ARB2A: variants seen among roughly 807,000 people sequenced by gnomAD.
The protein encoded by ARB2A is ARB2 cotranscriptional regulator A, also known as cotranscriptional regulator ARB2A.
the ARB2A span, among the ~76,000 whole-genome samples, chr5:93,930,704 A>G: frequency 3.3e-5 from 5 of 152,194 alleles, no homozygotes; most frequent in Non-Finnish European, 7.3e-5. Context: ...CTTGTTTTAA[A>G]TATTTCTAAT....
chr5:93,796,018 TA>T, the ARB2A span, among the ~76,000 whole-genome samples: 2 of 152,142 alleles, frequency 1.3e-5, no homozygotes, highest in Non-Finnish European at 2.9e-5. Flanking sequence ...AAACTTCAAA[TA>T]AAGTATGCAA....
At chr5:93,923,903 T>C in the ARB2A span, among the ~76,000 whole-genome samples, 2 of 152,316 alleles carry the variant, frequency 1.3e-5, no homozygotes, top group Non-Finnish European at 1.5e-5. Context: ...ATATATAATA[T>C]GTATCCAAAA....
At chr5:93,890,946 C>T in the ARB2A span, among the ~76,000 whole-genome samples, 1 of 152,092 alleles carries the variant, frequency 6.6e-6, no homozygotes, top group Non-Finnish European at 1.5e-5. Flanking sequence ...TGCCTGACAA[C>T]GCTTACTGGA....
At chr5:94,045,286 T>C in the ARB2A span, among the ~76,000 whole-genome samples, 1 of 151,960 alleles carries the variant, frequency 6.6e-6, no homozygotes, top group Admixed American at 6.5e-5. Flanking sequence ...GGAGTAGCCA[T>C]TCTTTTCTTC....
At chr5:94,020,433 A>T in the ARB2A span, among the ~76,000 whole-genome samples, 1 of 152,120 alleles carries the variant, frequency 6.6e-6, no homozygotes, top group Admixed American at 6.5e-5. Context: ...ATAATAATAA[A>T]AAAACAATGG....
chr5:93,658,982 T>C, the ARB2A span, among the ~76,000 whole-genome samples: 4 of 151,746 alleles, frequency 2.6e-5, no homozygotes, highest in Non-Finnish European at 5.9e-5. Flanking sequence ...ATAACTAAGA[T>C]ACACGGCATA....
the ARB2A span, among the ~76,000 whole-genome samples, chr5:93,852,887 G>A: frequency 2.0e-5 from 3 of 152,150 alleles, no homozygotes; most frequent in African/African-American, 4.8e-5. Context: ...GTCAGGTAGC[G>A]TGATGCCTCC....
the ARB2A span, among the ~76,000 whole-genome samples, chr5:93,837,765 T>C: frequency 6.6e-6 from 1 of 152,188 alleles, no homozygotes; most frequent in African/African-American, 2.4e-5. Context: ...TGATTACTGA[T>C]GCTGTGCATT....
chr5:93,811,247 A>G, the ARB2A span, among the ~76,000 whole-genome samples: 2 of 152,134 alleles, frequency 1.3e-5, no homozygotes, highest in Non-Finnish European at 2.9e-5. Flanking sequence ...TACTTTCCAG[A>G]TCCTCATCAA....
the ARB2A span, chr5:93,743,486 G>A: frequency 2.1e-6 from 2 of 955,792 alleles, no homozygotes; most frequent in East Asian, 1.2e-4. Flanking sequence ...ATATACAGAA[G>A]TTCATTTAAG....
At chr5:94,024,251 T>G in the ARB2A span, among the ~76,000 whole-genome samples, 1 of 152,108 alleles carries the variant, frequency 6.6e-6, no homozygotes, top group African/African-American at 2.4e-5. Flanking sequence ...GTGAACCTCA[T>G]TTAATCAGTT....
the ARB2A span, among the ~76,000 whole-genome samples, chr5:93,954,970 T>C: frequency 6.6e-6 from 1 of 152,062 alleles, no homozygotes; most frequent in Non-Finnish European, 1.5e-5. Context: ...ACAGTCACTG[T>C]GCTCTCCCTC....
chr5:93,779,148 G>A, the ARB2A span, among the ~76,000 whole-genome samples: 9 of 149,566 alleles, frequency 6.0e-5, no homozygotes, highest in Non-Finnish European at 1.0e-4. Flanking sequence ...CACGTGCAGG[G>A]GCATGTGGCA....
At chr5:93,956,809 A>G in the ARB2A span, among the ~76,000 whole-genome samples, 1 of 152,282 alleles carries the variant, frequency 6.6e-6, no homozygotes, top group East Asian at 1.9e-4. Flanking sequence ...CCTTGAAGAA[A>G]ACACTATGAA....
chr5:93,740,174 T>C, the ARB2A span: 151 of 158,324 alleles, frequency 9.5e-4, 3 homozygotes, highest in Admixed American at 4.0e-3. Flanking sequence ...AGTAAAAAAT[T>C]GTATACTAAG....
chr5:93,621,270 C>A, the ARB2A span: 117 of 683,006 alleles, frequency 1.7e-4, no homozygotes, highest in Middle Eastern at 1.6e-3. Context: ...CCCGCCTCAG[C>A]CGCCCGCGCC....
At chr5:94,110,564 C>T in the ARB2A span, among the ~76,000 whole-genome samples, 1 of 152,264 alleles carries the variant, frequency 6.6e-6, no homozygotes, top group African/African-American at 2.4e-5. Context: ...GTCACTGAGG[C>T]CTTAACGAAG....
the ARB2A span, chr5:93,743,540 C>G: frequency 1.0e-6 from 1 of 984,982 alleles, no homozygotes; most frequent in East Asian, 1.1e-4. Flanking sequence ...TACTTACATG[C>G]TATTTTTTTC....
the ARB2A span, among the ~76,000 whole-genome samples, chr5:94,049,302 G>A: frequency 6.6e-6 from 1 of 152,104 alleles, no homozygotes; most frequent in African/African-American, 2.4e-5. Flanking sequence ...AAGACAAGTA[G>A]GTTAAATTCA....
Sources: gnomAD v4.1 joint callset for allele counts (sites outside exome capture counted in the v4.1 genomes callset) on GRCh38, gnomAD v4.1.1 for gene constraint, MANE v1.5 for transcripts, NCBI Gene and HGNC (gene_info 2026-07-23, HGNC 2026-07-21) for gene names.